The following PROS1 variants were observed in gnomAD, a reference collection of about 807,000 sequenced individuals.
PROS1 encodes protein S, also known as vitamin K-dependent protein S.
PROS1 carries 29 observed loss-of-function variants against 75.9 expected under a neutral mutation model. The observed-to-expected ratio is 0.38, with a 90% CI of 0.28 to 0.52. The LOEUF is 0.52. Among genes scored for constraint, PROS1 ranks in the 20% least tolerant of loss-of-function variants. The pLI, the probability that PROS1 is intolerant of heterozygous loss-of-function variation, is 0.83. For missense variants in PROS1, 680 were observed against 810.3 expected (o/e 0.84, Z 1.95); for synonymous variants, 245 against 280.6 (o/e 0.87, Z 1.27).
At chr3:93,968,580 C>T (rs1386832442) in intron 1 of PROS1, among the ~76,000 whole-genome samples, 6 of 152,084 alleles carry the variant, frequency 3.9e-5, no homozygotes, top group African/African-American at 7.2e-5. Context: ...TTTTACATTC[C>T]GTCCTCACAA....
intron 14 of PROS1, among the ~76,000 whole-genome samples, chr3:93,876,506 G>A (rs557629884): frequency 6.2e-5 from 9 of 145,980 alleles, no homozygotes; most frequent in East Asian, 4.2e-4. Context: ...GGAGAATGGC[G>A]TGAACCCAGG....
chr3:93,946,890 A>G (rs1257138979), intron 1 of PROS1, among the ~76,000 whole-genome samples: 1 of 151,856 alleles, frequency 6.6e-6, no homozygotes, highest in Non-Finnish European at 1.5e-5. Context: ...AACCTACAGG[A>G]TGGGAGAAAA....
intron 9 of PROS1, among the ~76,000 whole-genome samples, chr3:93,894,083 C>G (rs760962900): frequency 6.6e-6 from 1 of 152,080 alleles, no homozygotes; most frequent in Non-Finnish European, 1.5e-5. Flanking sequence ...TATTAGTCAC[C>G]TAACTTAAAA....
intron 1 of PROS1, among the ~76,000 whole-genome samples, chr3:93,965,230 T>C (rs147483683): frequency 1.5e-4 from 23 of 152,300 alleles, no homozygotes; most frequent in African/African-American, 5.3e-4. Context: ...TGCCCTCTTC[T>C]GGTCTGTGTT....
intron 7 of PROS1, among the ~76,000 whole-genome samples, chr3:93,900,094 G>A (rs551906679): frequency 1.8e-4 from 28 of 151,988 alleles, no homozygotes; most frequent in African/African-American, 4.4e-4. Flanking sequence ...TTAAAAAATC[G>A]AAAGGAAGGT....
At chr3:93,950,250 C>T (rs1709474184) in intron 1 of PROS1, among the ~76,000 whole-genome samples, 1 of 152,196 alleles carries the variant, frequency 6.6e-6, no homozygotes, top group Non-Finnish European at 1.5e-5. Flanking sequence ...GACTCCACCT[C>T]TAGGGGCAGG....
At chr3:93,895,545 G>A (rs1708491104) in intron 9 of PROS1, among the ~76,000 whole-genome samples, 1 of 152,112 alleles carries the variant, frequency 6.6e-6, no homozygotes, top group South Asian at 2.1e-4. Flanking sequence ...AATCATTCAT[G>A]TATCTAACAT....
At chr3:93,950,408 G>A (rs1447549314) in intron 1 of PROS1, among the ~76,000 whole-genome samples, 1 of 152,184 alleles carries the variant, frequency 6.6e-6, no homozygotes, top group Non-Finnish European at 1.5e-5. Flanking sequence ...TGACCCCCAA[G>A]TAGCTTAACT....
intron 4 of PROS1, among the ~76,000 whole-genome samples, chr3:93,906,658 TC>T (rs1708680429): frequency 6.6e-6 from 1 of 151,758 alleles, no homozygotes; most frequent in Non-Finnish European, 1.5e-5. Context: ...GGGACAAGAG[TC>T]CCCTGAGTGC....
chr3:93,882,042 A>G (rs1708281632), intron 12 of PROS1, among the ~76,000 whole-genome samples: 1 of 152,204 alleles, frequency 6.6e-6, no homozygotes, highest in African/African-American at 2.4e-5. Context: ...TAGCTAATAA[A>G]CATATGGGAG....
At chr3:93,920,752 G>A (rs1217077970) in intron 3 of PROS1, among the ~76,000 whole-genome samples, 1 of 152,022 alleles carries the variant, frequency 6.6e-6, no homozygotes, top group East Asian at 1.9e-4. Context: ...GTTTACTGCA[G>A]ATTTTGTTCA....
chr3:93,908,351 A>T lies in PROS1; in HGVS notation c.347-2208T>A, dbSNP rs547889616. Among the ~76,000 whole-genome samples, 4 of 152,330 alleles carry T rather than the reference A, an allele frequency of 2.6e-5. 1 individual carries two copies. Among genetic ancestry groups the T allele is most frequent in the African/African-American group, 9.6e-5 (4 of 41,586 alleles). On this transcript the variant is annotated intron_variant, in intron 4 of 14. Transcript: ENST00000394236. ...ACAATTGGACCACATTACTGCCTGG[A>T]GATAGCTTCTATGCAACAGTGCAAG...
chr3:93,878,714 A>C (rs1203983946), intron 13 of PROS1, among the ~76,000 whole-genome samples: 1 of 152,190 alleles, frequency 6.6e-6, no homozygotes, highest in Non-Finnish European at 1.5e-5. Context: ...CTTGGGAGAA[A>C]AGATTAAGAG....
intron 1 of PROS1, among the ~76,000 whole-genome samples, chr3:93,964,405 A>G (rs1382922428): frequency 6.6e-6 from 1 of 152,142 alleles, no homozygotes; most frequent in Non-Finnish European, 1.5e-5. Context: ...CCGCTTATAA[A>G]CGGCCACTCT....
At chr3:93,878,035 T>G (rs966331077) in intron 13 of PROS1, among the ~76,000 whole-genome samples, 2 of 152,126 alleles carry the variant, frequency 1.3e-5, no homozygotes, top group African/African-American at 4.8e-5. Flanking sequence ...CAATGATATC[T>G]GGAATAATGT....
At chr3:93,880,793 G>C (rs1708266083) in intron 12 of PROS1, among the ~76,000 whole-genome samples, 1 of 152,128 alleles carries the variant, frequency 6.6e-6, no homozygotes, top group Admixed American at 6.5e-5. Flanking sequence ...AATTATCCAT[G>C]AAATGATTAA....
At chr3:93,949,575 T>C (rs1386473100) in intron 1 of PROS1, among the ~76,000 whole-genome samples, 2 of 152,156 alleles carry the variant, frequency 1.3e-5, no homozygotes, top group Admixed American at 6.5e-5. Flanking sequence ...TTAATACTTT[T>C]AATATATACA....
intron 2 of PROS1, among the ~76,000 whole-genome samples, chr3:93,926,461 G>A (rs1164662570): frequency 6.6e-5 from 10 of 151,876 alleles, no homozygotes; most frequent in African/African-American, 1.2e-4. Flanking sequence ...GCAAAACCCC[G>A]TCTCTACTAA....
rs1187277315 is a variant in PROS1 at position 93,904,582 on chromosome 3, G to A, written c.601+1202C>T. Among the ~76,000 whole-genome samples, 5 of 151,652 alleles carry A rather than the reference G, an allele frequency of 3.3e-5. No homozygotes were observed. The East Asian group carries it at 5.8e-4, about 18-fold the overall frequency. On this transcript the variant is annotated intron_variant, in intron 6 of 14. Transcript: ENST00000394236. The stretch of plus-strand genomic sequence containing the variant: ...CAAAATATATATAAAATAAAGAGTC[G>A]AACAAGAAATTCACATTTTAACTTA...
Sources: gnomAD v4.1 joint callset for allele counts (sites outside exome capture counted in the v4.1 genomes callset) on GRCh38, gnomAD v4.1.1 for gene constraint, MANE v1.5 for transcripts, NCBI Gene and HGNC (gene_info 2026-07-23, HGNC 2026-07-21) for gene names.